SVEP1: variants seen among roughly 807,000 people sequenced by gnomAD.
The protein encoded by SVEP1 is sushi, von Willebrand factor type A, EGF and pentraxin domain containing 1, also known as sushi, von Willebrand factor type A, EGF and pentraxin domain-containing protein 1.
In SVEP1, 164 loss-of-function variants were observed where a neutral mutation model predicts 367.3. The observed-to-expected ratio is 0.45, with a 90% confidence interval of 0.39 to 0.51. The LOEUF is 0.51. SVEP1 is among the 20% of genes least tolerant of loss of function. The pLI is 0.00. For missense variants in SVEP1, 4,117 were observed against 4,425.3 expected (o/e 0.93, Z 1.98); for synonymous variants, 1,666 against 1,611.6 (o/e 1.03, Z -0.81).
intron 1 of SVEP1, among the ~76,000 whole-genome samples, chr9:110,578,368 T>G (rs1319334886): frequency 5.6e-5 from 3 of 53,188 alleles, no homozygotes; most frequent in Non-Finnish European, 9.2e-5. Flanking sequence ...AATTTTAGGG[T>G]TTTTTTTTCC....
rs184593747 is a variant in SVEP1 at position 110,414,105 on chromosome 9, C to A, written c.5976-2370G>T. On this transcript the variant is annotated intron_variant, in intron 36 of 47. Coordinates refer to ENST00000374469, the MANE Select transcript of SVEP1 (RefSeq NM_153366.4). ...GTTTTGAAAGTGAAGAAGGTTAGAT[C>A]ATACTTTCTGGGTGTCCTGGGCAAA... Among the ~76,000 whole-genome samples, 66 of 152,118 alleles carry A rather than the reference C, an allele frequency of 4.3e-4. 1 individual carries two copies. The highest frequency in any genetic ancestry group is 9.1e-4 in the Non-Finnish European group (62 of 68,026).
Position 110,522,288 on chromosome 9 carries a change from A to T in SVEP1, c.965-8182T>A, listed in dbSNP as rs539955010. Among the ~76,000 whole-genome samples, 6 of 152,232 alleles carry T rather than the reference A, an allele frequency of 3.9e-5. No individual in the cohort carries two copies. The South Asian group carries it at 1.2e-3, about 32-fold the overall frequency. On this transcript the variant is annotated intron_variant, in intron 3 of 47. Transcript: ENST00000374469. ...AAGAATTTGAGAGCCTTCTGGGAGA[A>T]AACTCCATCCATGGTGGGGATAACA... is the stretch of plus-strand genomic sequence containing the variant.
At chr9:110,385,849 A>C (rs1827512795) in intron 43 of SVEP1, 49 bp downstream of exon 43, 1 of 1,571,144 alleles carries the variant, frequency 6.4e-7, no homozygotes, top group African/African-American at 1.4e-5. Flanking sequence ...CAGGGATGGG[A>C]AAACATTTCG....
chr9:110,443,833 G>T, intron 26 of SVEP1, 113 bp from the exon 27 acceptor site: 1 of 886,486 alleles, frequency 1.1e-6, no homozygotes, highest in Non-Finnish European at 1.6e-6. Flanking sequence ...AAAGTACTTT[G>T]TGTAAATCCA....
At chr9:110,370,056 A>G (rs1281939319) in intron 46 of SVEP1, 40 bp from the exon 47 acceptor site, 16 of 1,568,446 alleles carry the variant, frequency 1.0e-5, no homozygotes, top group Non-Finnish European at 1.3e-5. Flanking sequence ...ATTAATACTT[A>G]GCAATTCTGA....
At chr9:110,490,409 T>A (rs1339646132) in intron 8 of SVEP1, among the ~76,000 whole-genome samples, 6 of 152,182 alleles carry the variant, frequency 3.9e-5, no homozygotes. Flanking sequence ...CCTACTGATC[T>A]ATGTAAGACA....
At chr9:110,400,720 G>C in intron 40 of SVEP1, 134 bp downstream of exon 40, 3 of 974,400 alleles carry the variant, frequency 3.1e-6, no homozygotes, top group Non-Finnish European at 4.3e-6. Context: ...GAAAATGTTA[G>C]AGTATAAGGG....
intron 1 of SVEP1, among the ~76,000 whole-genome samples, chr9:110,578,245 T>A (rs557004149): frequency 1.3e-5 from 2 of 152,296 alleles, no homozygotes; most frequent in Admixed American, 1.3e-4. Flanking sequence ...AATTAGGATA[T>A]AACAAACGAA....
chr9:110,399,413 C>T (rs1227191385), intron 40 of SVEP1, among the ~76,000 whole-genome samples: 2 of 152,040 alleles, frequency 1.3e-5, no homozygotes, highest in Non-Finnish European at 2.9e-5. Flanking sequence ...GGGTGCACCA[C>T]ACCAACATGG....
At chr9:110,433,192 G>A (rs987168395) in intron 30 of SVEP1, among the ~76,000 whole-genome samples, 2 of 152,100 alleles carry the variant, frequency 1.3e-5, no homozygotes, top group African/African-American at 4.8e-5. Flanking sequence ...GCAGAACTGT[G>A]AGCCAATTAA....
intron 40 of SVEP1, among the ~76,000 whole-genome samples, chr9:110,390,277 A>G (rs1013800997): frequency 2.7e-5 from 2 of 73,812 alleles, no homozygotes; most frequent in Non-Finnish European, 5.7e-5. Flanking sequence ...ATATATACTT[A>G]TATATATACA....
rs996439030 is a variant in SVEP1, at chr9:110,499,173, G to T, written c.1549C>A (p.Gln517Lys). 6.2e-7 allele frequency: 1 copy of T among 1,613,606 alleles called. No homozygotes were observed. Among genetic ancestry groups the T allele is most frequent in the African/African-American group, 1.3e-5 (1 of 74,898 alleles). ...VIISPHNCGKQPAKFGTICYV... is the reference protein window; with the variant it reads ...VIISPHNCGKKPAKFGTICYV... The stretch of plus-strand genomic sequence containing the variant: ...CAGATCGTCCCAAATTTGGCTGGCT[G>T]CTTGCCACAGTTGTGGGGGGATATG... Residue 517 changes from glutamine to lysine, a missense_variant, in exon 7 of 48, where the codon CAG (glutamine) becomes AAG (lysine). Physicochemically the swap from Gln to Lys is moderately conservative, Grantham distance 53 (BLOSUM62 1). Around this residue, in one of 4 missense-constraint regions of SVEP1, gnomAD observed 2,174 missense variants for 2,494.3 expected, o/e 0.87. Coordinates refer to ENST00000374469, the MANE Select transcript of SVEP1 (RefSeq NM_153366.4).
At chr9:110,399,489 A>T (rs1713471361) in intron 40 of SVEP1, among the ~76,000 whole-genome samples, 1 of 152,076 alleles carries the variant, frequency 6.6e-6, no homozygotes, top group Non-Finnish European at 1.5e-5. Flanking sequence ...AAAGTATAAT[A>T]ATAATAAAAT....
chr9:110,568,585 G>A (rs753413264), intron 1 of SVEP1, among the ~76,000 whole-genome samples: 8 of 152,042 alleles, frequency 5.3e-5, no homozygotes, highest in Non-Finnish European at 1.2e-4. Context: ...GGAAGATCTC[G>A]AATGCACAAG....
intron 3 of SVEP1, among the ~76,000 whole-genome samples, chr9:110,531,444 T>G (rs1367488085): frequency 6.6e-6 from 1 of 152,132 alleles, no homozygotes; most frequent in Non-Finnish European, 1.5e-5. Flanking sequence ...CTCATGCTGT[T>G]CTCGTGACAG....
chr9:110,405,738 A>G (rs1827944070), intron 38 of SVEP1, among the ~76,000 whole-genome samples: 1 of 152,184 alleles, frequency 6.6e-6, no homozygotes, highest in South Asian at 2.1e-4. Context: ...ATTTGGCATG[A>G]TCATGGCCTG....
chr9:110,373,058 C>CAGGA (rs1827301032), intron 46 of SVEP1, among the ~76,000 whole-genome samples: 1 of 151,958 alleles, frequency 6.6e-6, no homozygotes, highest in South Asian at 2.1e-4. Flanking sequence ...AGATGCTGAG[C>CAGGA]AGGAAGGAAC....
intron 27 of SVEP1, among the ~76,000 whole-genome samples, chr9:110,437,464 ATGCTACC>A (rs1828447686): frequency 6.6e-6 from 1 of 152,120 alleles, no homozygotes; most frequent in Non-Finnish European, 1.5e-5. Flanking sequence ...CACTTTAGTG[ATGCTACC>A]TGTTTCCTGC....
intron 1 of SVEP1, among the ~76,000 whole-genome samples, chr9:110,576,211 A>G (rs963552883): frequency 4.0e-5 from 6 of 151,040 alleles, no homozygotes; most frequent in African/African-American, 4.9e-5. Context: ...GCCTAAATAC[A>G]TAGTAATAGG....
Sources: allele counts gnomAD v4.1 joint callset (sites outside exome capture counted in the v4.1 genomes callset), GRCh38; gene constraint gnomAD v4.1.1; regional missense constraint gnomAD v4.1.1; transcripts MANE v1.5; gene names NCBI Gene and HGNC (gene_info 2026-07-23, HGNC 2026-07-21).